The following PCDHGB3 variants were observed in gnomAD, a reference collection of about 807,000 sequenced individuals.
The protein encoded by PCDHGB3 is protocadherin gamma subfamily B, 3, also known as protocadherin gamma-B3.
Under a neutral mutation model 59.2 loss-of-function variants are expected in PCDHGB3, and 40 were observed. The observed-to-expected ratio is 0.68, with a 90% CI of 0.52 to 0.88. The LOEUF is 0.88. Among genes scored for constraint, PCDHGB3 ranks in the 40% least tolerant of loss-of-function variants. The probability of loss-of-function intolerance (pLI) is 0.00; values close to 1 mark genes in which losing one functional copy is unlikely to be tolerated. For missense variants in PCDHGB3, 1,309 were observed against 1,187.9 expected (o/e 1.10, Z -1.50); for synonymous variants, 581 against 503.6 (o/e 1.15, Z -2.06).
intron 1 of PCDHGB3, among the ~76,000 whole-genome samples, chr5:141,474,588 A>G (rs2099351676): frequency 6.6e-6 from 1 of 152,258 alleles, no homozygotes; most frequent in Non-Finnish European, 1.5e-5. Context: ...TGTTAAAGAC[A>G]TGGAAATATA....
At chr5:141,488,359 T>A (rs1262194591) in intron 1 of PCDHGB3, among the ~76,000 whole-genome samples, 1 of 152,198 alleles carries the variant, frequency 6.6e-6, no homozygotes, top group Non-Finnish European at 1.5e-5. Context: ...ACCCTGTGCA[T>A]CTTTAAGTTG....
At chr5:141,400,883 A>G (rs1017003447) in intron 1 of PCDHGB3, among the ~76,000 whole-genome samples, 1 of 152,232 alleles carries the variant, frequency 6.6e-6, no homozygotes, top group Non-Finnish European at 1.5e-5. Flanking sequence ...AATTTAATGT[A>G]TGTAATCATT....
At chr5:141,509,081 A>G (rs1279221589) in intron 3 of PCDHGB3, among the ~76,000 whole-genome samples, 1 of 152,160 alleles carries the variant, frequency 6.6e-6, no homozygotes, top group African/African-American at 2.4e-5. Flanking sequence ...GATTTGCGAC[A>G]TGAAATGGGG....
Position 141,490,982 on chromosome 5 carries a change from G to A in PCDHGB3, c.2416-3825G>A, listed in dbSNP as rs964673026. 5 of 1,613,994 alleles carry A rather than the reference G, an allele frequency of 3.1e-6. No homozygotes were observed. Among genetic ancestry groups the A allele is most frequent in the Admixed American group, 1.7e-5 (1 of 60,020 alleles). On this transcript the variant is annotated intron_variant, in intron 1 of 3. Coordinates refer to ENST00000576222, the MANE Select transcript of PCDHGB3 (RefSeq NM_018924.5). This position sits in a 1 kb window ranked among gnomAD's most constrained non-coding sequence, Gnocchi z 5.4. The stretch of plus-strand genomic sequence containing the variant: ...CACTCAGCCCCCCAGCGTCTCCCTC[G>A]CTCTGCTCCTCCTGGCTCCTTGGTC...
At position 141,431,636 on chromosome 5, in the gene PCDHGB3, A is replaced by C; in HGVS notation, c.2415+58827A>C. 1 of 1,614,254 alleles carries C rather than the reference A, an allele frequency of 6.2e-7. No individual in the cohort carries two copies. On this transcript the variant is annotated intron_variant, in intron 1 of 3. Transcript: ENST00000576222. This position sits in a 1 kb window ranked among gnomAD's most constrained non-coding sequence, Gnocchi z 4.8. ...GGACGACAAGGCGGCCCAAGTTTTC[A>C]AACTAGATTGTAATTCAGGGACAAT... is the stretch of plus-strand genomic sequence containing the variant.
intron 1 of PCDHGB3, chr5:141,374,142 TG>T (rs1770186580): frequency 6.2e-7 from 1 of 1,610,196 alleles, no homozygotes; most frequent in Non-Finnish European, 8.5e-7. Flanking sequence ...CTCACGCTCC[TG>T]GGGACGCTGT....
At chr5:141,390,754 T>C (rs2092225927) in intron 1 of PCDHGB3, 1 of 168,266 alleles carries the variant, frequency 5.9e-6, no homozygotes, top group East Asian at 1.8e-4. Context: ...AGTCCACTGT[T>C]TTGTTTCCTG....
chr5:141,402,872 T>A, intron 1 of PCDHGB3: 1 of 1,455,372 alleles, frequency 6.9e-7, no homozygotes, highest in Non-Finnish European at 9.1e-7. Flanking sequence ...AAGATCACCA[T>A]ACTTTGCAGG....
At chr5:141,382,924 G>A in intron 1 of PCDHGB3, 1 of 1,568,666 alleles carries the variant, frequency 6.4e-7, no homozygotes, top group Non-Finnish European at 8.7e-7. Flanking sequence ...GAGGGGCGGG[G>A]ACTACAGAGG....
chr5:141,422,643 C>T, intron 1 of PCDHGB3: 1 of 1,612,336 alleles, frequency 6.2e-7, no homozygotes, highest in Non-Finnish European at 8.5e-7. Flanking sequence ...GTGCCTCCAT[C>T]TTCTCAGTGA....
rs756237595 is a variant in PCDHGB3, at chr5:141,398,946, C to T, written c.2415+26137C>T. The T allele has an allele frequency of 1.9e-6, 3 of 1,613,830 alleles. No individual in the cohort carries two copies. The Admixed American group carries it at 5.0e-5, about 27-fold the overall frequency. ...CAGCCACTGACCAAGACGAGGGCAT[C>T]AACTCAGAAATTACTTATTCCTTCT... On this transcript the variant is annotated intron_variant, in intron 1 of 3. Coordinates refer to ENST00000576222, the MANE Select transcript of PCDHGB3 (RefSeq NM_018924.5).
intron 1 of PCDHGB3, among the ~76,000 whole-genome samples, chr5:141,449,525 G>T (rs2098641561): frequency 6.7e-6 from 1 of 148,580 alleles, no homozygotes; most frequent in South Asian, 2.1e-4. Flanking sequence ...GGAGGCGGAG[G>T]TTGCAGTGAG....
chr5:141,384,352 G>T, intron 1 of PCDHGB3: 1 of 1,613,842 alleles, frequency 6.2e-7, no homozygotes, highest in Non-Finnish European at 8.5e-7. Flanking sequence ...TGAGGATAAT[G>T]CCCAGATCAC....
chr5:141,498,703 G>A (rs961006063), intron 2 of PCDHGB3, among the ~76,000 whole-genome samples: 7 of 152,228 alleles, frequency 4.6e-5, no homozygotes, highest in Non-Finnish European at 8.8e-5. Flanking sequence ...AGGCTGAGGT[G>A]GGTGGATCAC....
At chr5:141,410,078 G>A (rs1258292051) in intron 1 of PCDHGB3, 1 of 1,612,820 alleles carries the variant, frequency 6.2e-7, no homozygotes, top group Non-Finnish European at 8.5e-7. Flanking sequence ...CACTGGGGAG[G>A]TGCGCACGGC....
chr5:141,483,811 C>A (rs1252197546), intron 1 of PCDHGB3, among the ~76,000 whole-genome samples: 1 of 152,102 alleles, frequency 6.6e-6, no homozygotes, highest in Non-Finnish European at 1.5e-5. Flanking sequence ...CTTTTTTTGG[C>A]AGCCAGTGTA....
rs1403789987 is a variant in PCDHGB3 at position 141,511,845 on chromosome 5, T to C, written c.*672T>C. The C allele has an allele frequency of 6.4e-6, 1 of 156,740 alleles. No individual in the cohort carries two copies. The highest frequency in any genetic ancestry group is 1.4e-5 in the Non-Finnish European group (1 of 70,694). 9.7% of individuals were successfully genotyped at this position (156,740 alleles called of 1,614,324 possible). A position where few individuals can be genotyped will look rare whatever the true frequency, so the allele number is the denominator to read the frequency against. On this transcript the variant is annotated 3_prime_UTR_variant, in exon 4 of 4. Transcript: ENST00000576222. ...AACGCCCTGGGGACCAGTCTTCTGT[T>C]TTGTTTTTCATTGTTTGACGTTTCC...
At chr5:141,399,519 G>T (rs1467117930) in intron 1 of PCDHGB3, 14 of 1,613,918 alleles carry the variant, frequency 8.7e-6, no homozygotes, top group Non-Finnish European at 1.2e-5. Context: ...ACCCTCCTGG[G>T]GCCTCCATCG....
At chr5:141,390,025 G>A (rs762363185) in intron 1 of PCDHGB3, 2 of 1,613,882 alleles carry the variant, frequency 1.2e-6, no homozygotes, top group African/African-American at 1.3e-5. Flanking sequence ...TTGCGCCTGC[G>A]ACGCTCCTCC....
Sources: allele counts gnomAD v4.1 joint callset (sites outside exome capture counted in the v4.1 genomes callset), GRCh38; gene constraint gnomAD v4.1.1; non-coding constraint Gnocchi (gnomAD v3.1); transcripts MANE v1.5; gene names NCBI Gene and HGNC (gene_info 2026-07-23, HGNC 2026-07-21).